Variants in RAD51D observed in about 807,000 individuals in gnomAD.
RAD51D encodes the protein DNA repair protein RAD51 homolog 4.
Under a neutral mutation model 44.1 loss-of-function variants are expected in RAD51D, and 38 were observed. That is an observed-to-expected ratio of 0.86 (90% CI 0.67 to 1.13). The LOEUF (loss-of-function observed/expected upper bound fraction) is 1.13, where lower values mean the gene tolerates loss of function less well. Ranked by LOEUF, RAD51D falls within the 50% of genes most tolerant of loss-of-function variation. The probability of loss-of-function intolerance (pLI) is 0.00; values close to 1 mark genes in which losing one functional copy is unlikely to be tolerated. For synonymous variants in RAD51D, 141 were observed against 166.6 expected (o/e 0.85, Z 1.18); for missense variants, 390 against 414.0 (o/e 0.94, Z 0.50).
chr17:35,112,139 G>A lies in RAD51D; in HGVS notation c.264-4692C>T, dbSNP rs548750433. Among the ~76,000 whole-genome samples, 430 of 152,248 alleles carry A rather than the reference G, an allele frequency of 2.8e-3. 4 individuals carry two copies. Among genetic ancestry groups the A allele is most frequent in the Non-Finnish European group, 4.7e-3 (322 of 68,022 alleles). ...GTCGCCCAGGCTGGAGTGCAGTGGC[G>A]CAATCTTGGCTCACTGCAAGCTCTG... On this transcript the variant is annotated intron_variant, in intron 3 of 9. Coordinates refer to ENST00000345365, the MANE Select transcript of RAD51D (RefSeq NM_002878.4).
In RAD51D at chr17:35,094,946, CTCCTT is replaced by C. The variant is rs2142399504; in HGVS notation, c.*6002_*6006del. The C allele has an allele frequency of 6.6e-6, 1 of 152,374 alleles. No individual in the cohort carries two copies. The highest frequency in any genetic ancestry group is 6.5e-5 in the Admixed American group (1 of 15,308). The allele number at this position is 152,374 out of a possible 1,614,324, so 9.4% of individuals were successfully genotyped here. A position where few individuals can be genotyped will look rare whatever the true frequency, so the allele number is the denominator to read the frequency against. On this transcript the variant is annotated 3_prime_UTR_variant, in exon 10 of 10. Transcript: ENST00000345365. ...CCAGCATCCAGTTCATCCACACACT[CTCCTT>C]TCTAGTAGAAAGGAGAACTCCCATT...
At position 35,118,744 on chromosome 17, in the gene RAD51D, T is replaced by A. The variant is rs2091781077; in HGVS notation, c.145-125A>T. ...CTCCCTTTGGCTTGGGATGGACTTT[T>A]GTTATTGTTGTTGTTTCAGACAGGG... On this transcript the variant is annotated intron_variant, in intron 2 of 9. Coordinates refer to ENST00000345365, the MANE Select transcript of RAD51D (RefSeq NM_002878.4). 5.1e-6 allele frequency: 4 copies of A among 791,204 alleles called. No individual in the cohort carries two copies. In the East Asian group the frequency reaches 1.0e-4, roughly 20 times the overall value. The allele number at this position is 791,204 out of a possible 1,614,324, so 49.0% of individuals were successfully genotyped here.
At chr17:35,105,044 A>T (rs1438342501) in intron 6 of RAD51D, 2 of 152,106 alleles carry the variant, frequency 1.3e-5, no homozygotes, top group Admixed American at 6.6e-5. Context: ...GTAACTTATT[A>T]TGCAATAATA....
rs374605203 is a variant in RAD51D, at chr17:35,106,974, C to A, written c.480+14G>T. 3 of 1,614,096 alleles carry A rather than the reference C, an allele frequency of 1.9e-6. No homozygotes were observed. Among genetic ancestry groups the A allele is most frequent in the African/African-American group, 2.7e-5 (2 of 74,930 alleles). On this transcript the variant is annotated intron_variant, in intron 5 of 9. Coordinates refer to ENST00000345365, the MANE Select transcript of RAD51D (RefSeq NM_002878.4). ...GTGTCAGAATCTCAATGGAACCCAGCATCCTGCCCTTACCTGTTCCTCCTC... is the reference window on the plus strand; with the variant it reads ...GTGTCAGAATCTCAATGGAACCCAGAATCCTGCCCTTACCTGTTCCTCCTC...
intron 6 of RAD51D, 42 bp downstream of exon 6, chr17:35,106,344 G>T: frequency 6.5e-7 from 1 of 1,543,514 alleles, no homozygotes; most frequent in South Asian, 1.1e-5. Flanking sequence ...ATAGCACCTA[G>T]AAAGCTGAAT....
At chr17:35,114,010 C>T (rs1404633577) in intron 3 of RAD51D, among the ~76,000 whole-genome samples, 1 of 152,150 alleles carries the variant, frequency 6.6e-6, no homozygotes. Flanking sequence ...CAGTGGCTCT[C>T]GCCTGTAATC....
At chr17:35,112,365 C>A (rs565061263) in intron 3 of RAD51D, among the ~76,000 whole-genome samples, 1 of 151,830 alleles carries the variant, frequency 6.6e-6, no homozygotes, top group African/African-American at 2.4e-5. Context: ...CGTGAACCAC[C>A]ACGCCCAGCC....
rs2091462152 is a variant in RAD51D at position 35,092,335 on chromosome 17, C to A, written c.*8618G>T. 6.6e-6 allele frequency: 1 copy of A among 152,114 alleles called. No homozygotes were observed. Among genetic ancestry groups the A allele is most frequent in the Admixed American group, 6.5e-5 (1 of 15,274 alleles). 9.4% of individuals were successfully genotyped at this position (152,114 alleles called of 1,614,324 possible). A position where few individuals can be genotyped will look rare whatever the true frequency, so the allele number is the denominator to read the frequency against. On this transcript the variant is annotated 3_prime_UTR_variant, in exon 10 of 10. Transcript: ENST00000345365. ...TGTGAAAAAATAAATCATATTATTT[C>A]TTTTATTAGTAGCAGCACGGCTTGG...
At chr17:35,101,435 T>C (rs2142413134) in intron 8 of RAD51D, 70 bp from the exon 9 acceptor site, 7 of 1,527,650 alleles carry the variant, frequency 4.6e-6, no homozygotes, top group Non-Finnish European at 6.3e-6. Flanking sequence ...CGCTTCATTT[T>C]ACGGAGAGGA....
At chr17:35,114,138 G>A (rs547093920) in intron 3 of RAD51D, among the ~76,000 whole-genome samples, 1 of 152,264 alleles carries the variant, frequency 6.6e-6, no homozygotes, top group South Asian at 2.1e-4. Flanking sequence ...TGGGCGTGGT[G>A]GCGGGCGCCT....
chr17:35,108,520 AAAAG>A (rs2091637873), intron 3 of RAD51D, among the ~76,000 whole-genome samples: 1 of 150,900 alleles, frequency 6.6e-6, no homozygotes, highest in Admixed American at 6.6e-5. Flanking sequence ...AAAAAAAAAA[AAAAG>A]GACTATAGTA....
rs202048781 is a variant in RAD51D, at chr17:35,119,198, T to C, written c.83-26A>G. 35 of 1,604,246 alleles carry C rather than the reference T, an allele frequency of 2.2e-5. No homozygotes were observed. Among genetic ancestry groups the C allele is most frequent in the East Asian group, 8.9e-5 (4 of 44,814 alleles). ...CTGAAAACAAAACACGTATAGCGGATTGGCAGAGAGGACTGGGGCCTCCCA... is the reference window on the plus strand; with the variant it reads ...CTGAAAACAAAACACGTATAGCGGACTGGCAGAGAGGACTGGGGCCTCCCA... On this transcript the variant is annotated intron_variant, in intron 1 of 9. Transcript: ENST00000345365.
intron 3 of RAD51D, among the ~76,000 whole-genome samples, chr17:35,116,068 C>CA (rs35916952): frequency 9.2e-5 from 12 of 131,146 alleles, no homozygotes; most frequent in East Asian, 4.5e-4. Flanking sequence ...CAAACTCCGA[C>CA]AAAAAAAAAA....
At position 35,097,091 on chromosome 17, in the gene RAD51D, A is replaced by C. The variant is rs1411416594; in HGVS notation, c.*3862T>G. 1 of 151,736 alleles carries C rather than the reference A, an allele frequency of 6.6e-6. No individual in the cohort carries two copies. The highest frequency in any genetic ancestry group is 1.9e-4 in the East Asian group (1 of 5,170). 9.4% of individuals were successfully genotyped at this position (151,736 alleles called of 1,614,324 possible). On this transcript the variant is annotated 3_prime_UTR_variant, in exon 10 of 10. Transcript: ENST00000345365. The stretch of plus-strand genomic sequence containing the variant: ...CCTGTAAAAAGATATGTAAGAAGAC[A>C]CTCTGGGGACTCAATGATGTGGGTG...
At position 35,106,500 on chromosome 17, in the gene RAD51D, AAAGC is replaced by A. The variant is rs760861758; in HGVS notation, c.481-23_481-20del. The A allele has an allele frequency of 5.5e-5, 88 of 1,594,872 alleles. No homozygotes were observed. In the South Asian group the frequency reaches 9.2e-4, roughly 17 times the overall value. On this transcript the variant is annotated intron_variant, in intron 5 of 9. Coordinates refer to ENST00000345365, the MANE Select transcript of RAD51D (RefSeq NM_002878.4). Reference sequence around the variant, plus strand: ...CTTCTGCCTGAAGCGGTGGAAAAGAAAAGCAAGGACTTTGGATAAGAGGGAGTAG... The same window carrying A: ...CTTCTGCCTGAAGCGGTGGAAAAGAAAAGGACTTTGGATAAGAGGGAGTAG...
At chr17:35,105,109 A>G (rs1214152902) in intron 6 of RAD51D, 2 of 152,198 alleles carry the variant, frequency 1.3e-5, no homozygotes, top group African/African-American at 2.4e-5. Context: ...CTGATCTGGA[A>G]TTGAGAGGTT....
chr17:35,119,642 G>A lies in RAD51D; in HGVS notation c.-29C>T, dbSNP rs768777463. On this transcript the variant is annotated 5_prime_UTR_variant, in exon 1 of 10. Transcript: ENST00000345365. ...CCCCGCAGGCCGGAACAGCCCCAGGGGGACTGCACGTCACGTGGGCATTCG... is the reference window on the plus strand; with the variant it reads ...CCCCGCAGGCCGGAACAGCCCCAGGAGGACTGCACGTCACGTGGGCATTCG... The A allele has an allele frequency of 6.2e-7, 1 of 1,605,838 alleles. No homozygotes were observed. Among genetic ancestry groups the A allele is most frequent in the Non-Finnish European group, 8.5e-7 (1 of 1,179,128 alleles).
intron 3 of RAD51D, 87 bp from the exon 4 acceptor site, chr17:35,107,534 T>TC: frequency 9.3e-7 from 1 of 1,076,054 alleles, no homozygotes; most frequent in Non-Finnish European, 1.4e-6. Flanking sequence ...AGACATTTCT[T>TC]TCAAGCACTG....
intron 8 of RAD51D, among the ~76,000 whole-genome samples, chr17:35,101,880 G>A (rs541317371): frequency 6.6e-6 from 1 of 152,326 alleles, no homozygotes; most frequent in South Asian, 2.1e-4. Context: ...TAGAATGGTG[G>A]TTGTCAGGGG....
Sources: gnomAD v4.1 joint callset for allele counts (sites outside exome capture counted in the v4.1 genomes callset) on GRCh38, gnomAD v4.1.1 for gene constraint, MANE v1.5 for transcripts, NCBI Gene and HGNC (gene_info 2026-07-23, HGNC 2026-07-21) for gene names.